The following FRMD4A variants were observed in gnomAD, a reference collection of about 807,000 sequenced individuals.
The protein encoded by FRMD4A is FERM domain containing 4A, also known as FERM domain-containing protein 4A.
A neutral mutation model predicts 129.1 loss-of-function variants in FRMD4A; 29 were observed. The observed-to-expected ratio is 0.22, with a 90% CI of 0.17 to 0.31. The LOEUF is 0.31. FRMD4A is among the 10% of genes least tolerant of loss of function. The pLI is 1.00. For synonymous variants in FRMD4A, 634 were observed against 571.6 expected (o/e 1.11, Z -1.56); for missense variants, 1,272 against 1,375.8 (o/e 0.92, Z 1.19).
chr10:14,159,491 G>T (rs546297541), intron 2 of FRMD4A, among the ~76,000 whole-genome samples: 1 of 152,210 alleles, frequency 6.6e-6, no homozygotes, highest in Non-Finnish European at 1.5e-5. Context: ...ACAAACAAAT[G>T]AACATATCCC....
At chr10:14,204,799 C>T (rs1842733231) in intron 2 of FRMD4A, among the ~76,000 whole-genome samples, 1 of 152,030 alleles carries the variant, frequency 6.6e-6, no homozygotes, top group Admixed American at 6.6e-5. Context: ...AGAGAGAAAT[C>T]GAGAAGATTA....
At chr10:13,946,934 A>T (rs1488739032) in intron 2 of FRMD4A, among the ~76,000 whole-genome samples, 1 of 152,188 alleles carries the variant, frequency 6.6e-6, no homozygotes, top group African/African-American at 2.4e-5. Context: ...GACATGGGAC[A>T]AATGATTATA....
At chr10:13,670,584 C>A in intron 16 of FRMD4A, 56 bp from the exon 17 acceptor site, 1 of 1,587,998 alleles carries the variant, frequency 6.3e-7, no homozygotes, top group Non-Finnish European at 8.6e-7. Flanking sequence ...GGCGTGTCTG[C>A]TTCCTAGAAC....
intron 2 of FRMD4A, among the ~76,000 whole-genome samples, chr10:14,011,446 C>T (rs2095682041): frequency 6.6e-6 from 1 of 152,048 alleles, no homozygotes; most frequent in Admixed American, 6.6e-5. Context: ...GGAGACCCAT[C>T]CAGTGGGAGA....
chr10:13,657,803 T>A (rs1332546421), intron 21 of FRMD4A, among the ~76,000 whole-genome samples: 52 of 150,808 alleles, frequency 3.4e-4, no homozygotes, highest in Middle Eastern at 3.4e-3. Context: ...TTTTTTTTTT[T>A]AAATAATTCT....
At chr10:13,884,974 GCTT>G (rs2094601515) in intron 2 of FRMD4A, among the ~76,000 whole-genome samples, 1 of 152,192 alleles carries the variant, frequency 6.6e-6, no homozygotes, top group African/African-American at 2.4e-5. Flanking sequence ...CAGCCAGCTG[GCTT>G]CTTCTACCTC....
intron 2 of FRMD4A, among the ~76,000 whole-genome samples, chr10:13,943,881 A>G (rs1353062976): frequency 6.6e-6 from 1 of 152,112 alleles, no homozygotes; most frequent in Non-Finnish European, 1.5e-5. Context: ...GACTCAGATG[A>G]ACTGGAGCAG....
At chr10:14,103,098 C>T (rs1200357087) in intron 2 of FRMD4A, among the ~76,000 whole-genome samples, 5 of 152,214 alleles carry the variant, frequency 3.3e-5, no homozygotes, top group African/African-American at 1.2e-4. Context: ...TATCTAATCT[C>T]ATAACAGAAG....
At chr10:14,309,997 G>A (rs1846487451) in intron 2 of FRMD4A, among the ~76,000 whole-genome samples, 1 of 150,834 alleles carries the variant, frequency 6.6e-6, no homozygotes, top group African/African-American at 2.4e-5. Context: ...CAGCACCTGT[G>A]ATGTCCTTCG....
At chr10:13,707,267 CACACAT>C in intron 12 of FRMD4A, 154 bp from the exon 13 acceptor site, 1 of 780,580 alleles carries the variant, frequency 1.3e-6, no homozygotes, top group Non-Finnish European at 2.0e-6. Flanking sequence ...GACACACACA[CACACAT>C]ACACACACAC....
chr10:13,941,089 G>T (rs757754205), intron 2 of FRMD4A, among the ~76,000 whole-genome samples: 6 of 152,156 alleles, frequency 3.9e-5, no homozygotes, highest in Admixed American at 3.3e-4. Flanking sequence ...AATGCAAATC[G>T]TGTGATATGG....
At chr10:13,825,848 A>G (rs181860674) in intron 3 of FRMD4A, among the ~76,000 whole-genome samples, 34 of 152,360 alleles carry the variant, frequency 2.2e-4, no homozygotes, top group Admixed American at 1.2e-3. Context: ...ATAAGAAGGA[A>G]CTACTGCATC....
chr10:14,285,161 G>A (rs1317150255), intron 2 of FRMD4A, among the ~76,000 whole-genome samples: 1 of 152,322 alleles, frequency 6.6e-6, no homozygotes. Flanking sequence ...TTTCATATTA[G>A]AGTAAGTGAC....
At chr10:14,287,353 C>A (rs1482941508) in intron 2 of FRMD4A, among the ~76,000 whole-genome samples, 1 of 152,196 alleles carries the variant, frequency 6.6e-6, no homozygotes, top group Non-Finnish European at 1.5e-5. Flanking sequence ...GCTCTGTTTC[C>A]TTCCTTTTTG....
At chr10:14,120,759 A>G (rs1289602583) in intron 2 of FRMD4A, among the ~76,000 whole-genome samples, 2 of 152,316 alleles carry the variant, frequency 1.3e-5, no homozygotes, top group Non-Finnish European at 2.9e-5. Context: ...AGAAATAAAC[A>G]TCTATGACAT....
chr10:13,680,601 C>G (rs544862664), intron 15 of FRMD4A, among the ~76,000 whole-genome samples: 1 of 152,170 alleles, frequency 6.6e-6, no homozygotes, highest in South Asian at 2.1e-4. Context: ...TGGCATGCAC[C>G]TGTAATCCCA....
At position 13,671,181 on chromosome 10, in the gene FRMD4A, C is replaced by T. The variant is rs139266611; in HGVS notation, c.1252-653G>A. 6.8e-3 allele frequency among the ~76,000 whole-genome samples: 1,042 copies of T among 152,264 alleles called. 11 individuals carry two copies. The highest frequency in any genetic ancestry group is 0.024 in the African/African-American group (1,011 of 41,538). ...AAAGTTTTAGTAGAATGGCTGGGCA[C>T]GGTGGCTCATGTCTGTAATCCCAGC... On this transcript the variant is annotated intron_variant, in intron 16 of 24. Transcript: ENST00000357447.
chr10:14,261,986 A>ACACACCCC, intron 2 of FRMD4A, among the ~76,000 whole-genome samples: 1 of 139,220 alleles, frequency 7.2e-6, no homozygotes, highest in Non-Finnish European at 1.6e-5. Flanking sequence ...ACACACACAC[A>ACACACCCC]CCTCATTTTC....
intron 3 of FRMD4A, among the ~76,000 whole-genome samples, chr10:13,845,306 A>G (rs1425991937): frequency 6.6e-6 from 1 of 152,196 alleles, no homozygotes; most frequent in Non-Finnish European, 1.5e-5. Context: ...AGTAATCACC[A>G]GTGTTCATGA....
Sources: gnomAD v4.1 joint callset for allele counts (sites outside exome capture counted in the v4.1 genomes callset) on GRCh38, gnomAD v4.1.1 for gene constraint, MANE v1.5 for transcripts, NCBI Gene and HGNC (gene_info 2026-07-23, HGNC 2026-07-21) for gene names.